Variants in ZFAND4 observed in about 807,000 individuals in gnomAD.
The protein encoded by ZFAND4 is zinc finger AN1-type containing 4.
ZFAND4 carries 43 observed loss-of-function variants against 64.4 expected under a neutral mutation model. That is an observed-to-expected ratio of 0.67 (90% confidence interval 0.52 to 0.86). ZFAND4 has a LOEUF of 0.86. Among genes scored for constraint, ZFAND4 ranks in the 40% least tolerant of loss-of-function variants. The pLI is 0.00. For synonymous variants in ZFAND4, 296 were observed against 305.7 expected (o/e 0.97, Z 0.33); for missense variants, 929 against 859.8 (o/e 1.08, Z -1.01).
At chr10:45,659,957 C>A (rs1462459855) in intron 2 of ZFAND4, among the ~76,000 whole-genome samples, 2 of 151,944 alleles carry the variant, frequency 1.3e-5, no homozygotes, top group Non-Finnish European at 2.9e-5. Context: ...ACAGGCGGAT[C>A]CCGAGGTCAG....
In ZFAND4 at chr10:45,635,650, G is replaced by T. The variant is rs528118132; in HGVS notation, c.717+4166C>A. Among the ~76,000 whole-genome samples, 5 of 152,244 alleles carry T rather than the reference G, an allele frequency of 3.3e-5. No individual in the cohort carries two copies. The South Asian group carries it at 1.0e-3, about 32-fold the overall frequency. The stretch of plus-strand genomic sequence containing the variant: ...GCACCATTATTCACAATAGCCAAAA[G>T]ATGGGGGCAATCCAAGTATACATTG... On this transcript the variant is annotated intron_variant, in intron 6 of 9. Transcript: ENST00000344646.
rs546374911 is a variant in ZFAND4, at chr10:45,628,039, C to A, written c.718-934G>T. On this transcript the variant is annotated intron_variant, in intron 6 of 9. Coordinates refer to ENST00000344646, the MANE Select transcript of ZFAND4 (RefSeq NM_174890.4). ...ACACCTGGGGTGGTCTTGGTGCCCTCTGGCATGGTAGATTTTTTAAAAAGT... is the reference window on the plus strand; with the variant it reads ...ACACCTGGGGTGGTCTTGGTGCCCTATGGCATGGTAGATTTTTTAAAAAGT... 9.4e-4 allele frequency among the ~76,000 whole-genome samples: 143 copies of A among 152,318 alleles called. 1 individual carries two copies. The highest frequency in any genetic ancestry group is 3.2e-3 in the African/African-American group (131 of 41,568).
intron 5 of ZFAND4, among the ~76,000 whole-genome samples, chr10:45,645,393 T>C (rs1014799390): frequency 6.6e-6 from 1 of 152,208 alleles, no homozygotes; most frequent in Non-Finnish European, 1.5e-5. Flanking sequence ...CTTCAATTGT[T>C]TCATGGACTT....
chr10:45,637,198 G>A (rs765210209), intron 6 of ZFAND4, among the ~76,000 whole-genome samples: 21 of 151,476 alleles, frequency 1.4e-4, no homozygotes, highest in African/African-American at 1.9e-4. Context: ...AAAAATAGCC[G>A]GGCATGGTGG....
intron 9 of ZFAND4, 86 bp downstream of exon 9, chr10:45,618,054 G>A (rs929497646): frequency 1.5e-6 from 2 of 1,375,070 alleles, no homozygotes; most frequent in Admixed American, 2.4e-5. Flanking sequence ...GTTATAAACA[G>A]GCAATTTAAA....
At chr10:45,634,650 C>T (rs1229489723) in intron 6 of ZFAND4, among the ~76,000 whole-genome samples, 1 of 151,928 alleles carries the variant, frequency 6.6e-6, no homozygotes, top group African/African-American at 2.4e-5. Context: ...ACTAGAAGTC[C>T]TAGCTGGAGA....
intron 1 of ZFAND4, among the ~76,000 whole-genome samples, chr10:45,664,120 T>C (rs2133858923): frequency 1.3e-5 from 2 of 152,308 alleles, no homozygotes; most frequent in Admixed American, 1.3e-4. Flanking sequence ...CAACAAATAC[T>C]TTTGTTGTTA....
At position 45,630,459 on chromosome 10, in the gene ZFAND4, C is replaced by T. The variant is rs149725224; in HGVS notation, c.718-3354G>A. Among the ~76,000 whole-genome samples the T allele has an allele frequency of 1.8e-4, 27 of 152,144 alleles. No homozygotes were observed. The East Asian group carries it at 2.5e-3, about 14-fold the overall frequency. ...ACTGAGAAAAGGTATAGGCCGGGTG[C>T]GGTGGCTCACACCTGTAATCCCAGC... On this transcript the variant is annotated intron_variant, in intron 6 of 9. Coordinates refer to ENST00000344646, the MANE Select transcript of ZFAND4 (RefSeq NM_174890.4).
chr10:45,625,944 T>C lies in ZFAND4; in HGVS notation c.1872+7A>G. 1 of 1,611,242 alleles carries C rather than the reference T, an allele frequency of 6.2e-7. No homozygotes were observed. The highest frequency in any genetic ancestry group is 8.5e-7 in the Non-Finnish European group (1 of 1,179,158). Reference sequence around the variant, plus strand: ...CTACTAGAGCATGTTGAAAGGAAAATACTGACCAAAAAAACTCCTGTATGT... The same window carrying C: ...CTACTAGAGCATGTTGAAAGGAAAACACTGACCAAAAAAACTCCTGTATGT... On this transcript the variant is annotated splice_region_variant and intron_variant, in intron 7 of 9. Transcript: ENST00000344646.
Position 45,648,341 on chromosome 10 carries a change from T to C in ZFAND4, c.522A>G (p.Ile174Met). 1 of 1,613,744 alleles carries C rather than the reference T, an allele frequency of 6.2e-7. No homozygotes were observed. Among genetic ancestry groups the C allele is most frequent in the African/African-American group, 1.3e-5 (1 of 75,056 alleles). Residue 174 changes from isoleucine (I) to methionine (M), a missense_variant, in exon 5 of 10, where the codon ATA becomes ATG. Transcript: ENST00000344646. ...LTPLSDSSKK[I>M]DFHLHVLRRK... ...TCCGTAGGACATGCAAATGAAAATC[T>C]ATTTTCTTTGAAGAGTCAGATAACG... is the stretch of plus-strand genomic sequence containing the variant.
chr10:45,626,921 G>A lies in ZFAND4; in HGVS notation c.902C>T (p.Thr301Ile), dbSNP rs185125387. 6.3e-5 allele frequency: 102 copies of A among 1,614,194 alleles called. No homozygotes were observed. Among genetic ancestry groups the A allele is most frequent in the Non-Finnish European group, 8.1e-5 (96 of 1,180,038 alleles). Residue 301 changes from threonine (T) to isoleucine (I), a missense_variant, in exon 7 of 10, where the codon ACT (threonine) becomes ATT (isoleucine). Physicochemically the swap from Thr to Ile is moderately conservative, Grantham distance 89. Transcript: ENST00000344646. The stretch of plus-strand genomic sequence containing the variant: ...TATGTATCTCTCAGCAGAGAGTTGA[G>A]TTGCCAAACTTGAAATTCCATTCCT... ...ISRNGISSLA[T>I]QLSAERYISS...
intron 1 of ZFAND4, among the ~76,000 whole-genome samples, chr10:45,666,057 T>C (rs547689057): frequency 1.3e-5 from 2 of 152,356 alleles, no homozygotes; most frequent in South Asian, 2.1e-4. Context: ...TGTAAACATA[T>C]GTTTTCCTTT....
intron 2 of ZFAND4, among the ~76,000 whole-genome samples, chr10:45,654,898 A>G (rs2048002342): frequency 6.6e-6 from 1 of 152,286 alleles, no homozygotes; most frequent in East Asian, 1.9e-4. Flanking sequence ...ACAACACAAT[A>G]ATAGTGGGGG....
chr10:45,668,722 T>C (rs2048991376), intron 1 of ZFAND4, among the ~76,000 whole-genome samples: 1 of 152,132 alleles, frequency 6.6e-6, no homozygotes, highest in South Asian at 2.1e-4. Context: ...TGCAATCAAA[T>C]TATAACTCAG....
At chr10:45,665,025 G>A (rs1042564563) in intron 1 of ZFAND4, among the ~76,000 whole-genome samples, 2 of 152,190 alleles carry the variant, frequency 1.3e-5, no homozygotes, top group African/African-American at 2.4e-5. Flanking sequence ...ATAAGTATTA[G>A]ACAATCTCTG....
intron 1 of ZFAND4, among the ~76,000 whole-genome samples, chr10:45,670,564 C>A (rs560251037): frequency 6.6e-6 from 1 of 152,296 alleles, no homozygotes; most frequent in East Asian, 1.9e-4. Context: ...ACAAACCTGA[C>A]AAAAACAAGA....
At chr10:45,666,905 T>C (rs902932497) in intron 1 of ZFAND4, among the ~76,000 whole-genome samples, 9 of 152,208 alleles carry the variant, frequency 5.9e-5, no homozygotes, top group African/African-American at 2.2e-4. Context: ...TGTAGCTTTG[T>C]AGTAAGTTCT....
intron 6 of ZFAND4, among the ~76,000 whole-genome samples, chr10:45,638,451 G>A (rs988527869): frequency 4.0e-5 from 6 of 151,078 alleles, no homozygotes; most frequent in South Asian, 4.2e-4. Context: ...CCGAGATAGC[G>A]CCTGGGTGAC....
At chr10:45,627,270 A>T (rs1564565041) in intron 6 of ZFAND4, among the ~76,000 whole-genome samples, 165 bp from the exon 7 acceptor site, 1 of 152,208 alleles carries the variant, frequency 6.6e-6, no homozygotes, top group East Asian at 1.9e-4. Context: ...GACAGAGAAG[A>T]TGCTATTTTC....
Sources: gnomAD v4.1 joint callset for allele counts (sites outside exome capture counted in the v4.1 genomes callset) on GRCh38, gnomAD v4.1.1 for gene constraint, MANE v1.5 for transcripts, NCBI Gene and HGNC (gene_info 2026-07-23, HGNC 2026-07-21) for gene names.